FOXN3: variants seen among roughly 807,000 people sequenced by gnomAD.
The protein encoded by FOXN3 is forkhead box protein N3.
Under a neutral mutation model 38.4 loss-of-function variants are expected in FOXN3, and 7 were observed. The observed-to-expected ratio is 0.18, with a 90% CI of 0.10 to 0.34. FOXN3 has a LOEUF of 0.34. FOXN3 is among the 10% of genes least tolerant of loss of function. The pLI, the probability that FOXN3 is intolerant of heterozygous loss-of-function variation, is 1.00. For synonymous variants in FOXN3, 230 were observed against 242.2 expected (o/e 0.95, Z 0.47); for missense variants, 456 against 613.4 (o/e 0.74, Z 2.71).
intron 3 of FOXN3, among the ~76,000 whole-genome samples, chr14:89,339,652 CAG>C (rs1270261347): frequency 2.0e-5 from 3 of 152,216 alleles, no homozygotes; most frequent in Admixed American, 1.3e-4. Context: ...GCGGGGAAGC[CAG>C]AGTCACGCTT....
intron 1 of FOXN3, among the ~76,000 whole-genome samples, chr14:89,457,601 C>A (rs988072949): frequency 2.6e-5 from 4 of 152,198 alleles, no homozygotes; most frequent in Non-Finnish European, 5.9e-5. Flanking sequence ...TGTGAAAAAT[C>A]ATGGAAATCC....
intron 1 of FOXN3, among the ~76,000 whole-genome samples, chr14:89,535,429 A>T (rs1018562193): frequency 2.6e-5 from 4 of 152,186 alleles, no homozygotes; most frequent in African/African-American, 9.7e-5. Context: ...ATTTTATTTG[A>T]ATTATTATTC....
chr14:89,603,470 A>G (rs976013963), intron 1 of FOXN3, among the ~76,000 whole-genome samples: 1 of 152,228 alleles, frequency 6.6e-6, no homozygotes. Flanking sequence ...GGTAACTTGA[A>G]AATAAGGATT....
intron 4 of FOXN3, among the ~76,000 whole-genome samples, chr14:89,259,047 A>G (rs545266593): frequency 6.6e-6 from 1 of 152,344 alleles, no homozygotes; most frequent in East Asian, 1.9e-4. Flanking sequence ...TCTATACAAC[A>G]GAATCACCTG....
chr14:89,183,470 C>T (rs1242364788), intron 4 of FOXN3, among the ~76,000 whole-genome samples: 2 of 151,480 alleles, frequency 1.3e-5, no homozygotes, highest in African/African-American at 2.4e-5. Flanking sequence ...GGAGATAGAG[C>T]GAGAGAGAGA....
chr14:89,462,937 G>C (rs1892878731), intron 1 of FOXN3, among the ~76,000 whole-genome samples: 1 of 150,770 alleles, frequency 6.6e-6, no homozygotes, highest in Admixed American at 6.6e-5. Flanking sequence ...ACCCATCTTG[G>C]CCTCCCAAAG....
chr14:89,601,761 T>C (rs1896158734), intron 1 of FOXN3, among the ~76,000 whole-genome samples: 1 of 152,078 alleles, frequency 6.6e-6, no homozygotes. Context: ...TTGTTTTTGT[T>C]TTTTTTTCCT....
chr14:89,317,844 T>C (rs992475514), intron 3 of FOXN3, among the ~76,000 whole-genome samples: 2 of 151,014 alleles, frequency 1.3e-5, no homozygotes, highest in African/African-American at 4.9e-5. Context: ...TCCTGTCCCA[T>C]CAGCTGCAGC....
intron 4 of FOXN3, among the ~76,000 whole-genome samples, chr14:89,210,836 G>A (rs1243149346): frequency 6.6e-6 from 1 of 152,170 alleles, no homozygotes; most frequent in African/African-American, 2.4e-5. Flanking sequence ...TCCATCGACA[G>A]GGTAAAATCC....
intron 1 of FOXN3, among the ~76,000 whole-genome samples, chr14:89,507,386 C>T (rs1358337654): frequency 6.6e-6 from 1 of 152,176 alleles, no homozygotes; most frequent in African/African-American, 2.4e-5. Flanking sequence ...CTATTAGAGT[C>T]CTTAGCAGGC....
At position 89,180,069 on chromosome 14, in the gene FOXN3, T is replaced by C. The variant is rs574948751; in HGVS notation, c.851+632A>G. On this transcript the variant is annotated intron_variant, in intron 5 of 5. Transcript: ENST00000557258. ...GGCGGATGGGAGGAGGCTCCGCCAA[T>C]GGTGCCTATGAGGGCCGCAGGCTGG... Among the ~76,000 whole-genome samples the C allele has an allele frequency of 3.3e-5, 5 of 152,308 alleles. No homozygotes were observed. In the South Asian group the frequency reaches 8.3e-4, roughly 25 times the overall value.
intron 1 of FOXN3, among the ~76,000 whole-genome samples, chr14:89,579,110 A>G (rs1895692836): frequency 6.6e-6 from 1 of 150,586 alleles, no homozygotes; most frequent in Admixed American, 6.6e-5. Context: ...TCGGCCTCCC[A>G]AAGTGCTAGG....
At chr14:89,606,493 A>T (rs1386576291) in intron 1 of FOXN3, among the ~76,000 whole-genome samples, 1 of 152,190 alleles carries the variant, frequency 6.6e-6, no homozygotes, top group Non-Finnish European at 1.5e-5. Flanking sequence ...GAATTATAGG[A>T]CTTCTCACGC....
chr14:89,196,350 G>A (rs956057772), intron 4 of FOXN3, among the ~76,000 whole-genome samples: 4 of 152,188 alleles, frequency 2.6e-5, no homozygotes, highest in Non-Finnish European at 4.4e-5. Flanking sequence ...CCGTGGACAG[G>A]ACGGGAAAAG....
intron 5 of FOXN3, among the ~76,000 whole-genome samples, chr14:89,170,718 A>T (rs893944002): frequency 3.3e-5 from 5 of 152,264 alleles, no homozygotes; most frequent in Non-Finnish European, 7.3e-5. Flanking sequence ...TGAAAACAAA[A>T]ATTAAAAACA....
Position 89,360,747 on chromosome 14 carries a change from TCCACCACC to T in FOXN3, c.544-9947_544-9940del, listed in dbSNP as rs1889481153. ...CACCACCACCACCTCCAGCACCACC[TCCACCACC>T]ACCTCCACCACTACCACCTCCACCA... On this transcript the variant is annotated intron_variant, in intron 2 of 5. Coordinates refer to ENST00000557258, the MANE Select transcript of FOXN3 (RefSeq NM_005197.4). 2.5e-4 allele frequency among the ~76,000 whole-genome samples: 17 copies of T among 67,516 alleles called. 1 individual carries two copies. Among genetic ancestry groups the T allele is most frequent in the African/African-American group, 4.0e-4 (5 of 12,618 alleles). The allele number at this position is 67,516 out of a possible 152,430, so 44.3% of individuals were successfully genotyped here.
At chr14:89,228,245 A>G (rs1884701424) in intron 4 of FOXN3, among the ~76,000 whole-genome samples, 1 of 152,262 alleles carries the variant, frequency 6.6e-6, no homozygotes, top group Non-Finnish European at 1.5e-5. Flanking sequence ...GCGATCTCTC[A>G]TTAGCAAAGC....
At chr14:89,498,251 C>G (rs1269871035) in intron 1 of FOXN3, among the ~76,000 whole-genome samples, 5 of 118,618 alleles carry the variant, frequency 4.2e-5, no homozygotes, top group Non-Finnish European at 6.4e-5. Flanking sequence ...GAGTCTTGCT[C>G]TATAGCCCAG....
At chr14:89,231,535 G>A (rs753439006) in intron 4 of FOXN3, among the ~76,000 whole-genome samples, 5 of 152,108 alleles carry the variant, frequency 3.3e-5, no homozygotes, top group Non-Finnish European at 7.3e-5. Context: ...GGCAGAGTAG[G>A]GATATGATCT....
Sources: allele counts gnomAD v4.1 joint callset (sites outside exome capture counted in the v4.1 genomes callset), GRCh38; gene constraint gnomAD v4.1.1; transcripts MANE v1.5; gene names NCBI Gene and HGNC (gene_info 2026-07-23, HGNC 2026-07-21).